Variants in OTOGL observed in about 807,000 individuals in gnomAD.
OTOGL encodes the protein otogelin-like protein.
In OTOGL, 285 loss-of-function variants were observed where a neutral mutation model predicts 318.5. That is an observed-to-expected ratio of 0.89 (90% CI 0.81 to 0.99). The LOEUF is 0.99. Ranked by LOEUF, OTOGL falls within the 50% of genes least tolerant of loss-of-function variation. The pLI is 0.00. For missense variants in OTOGL, 2,899 were observed against 2,845.6 expected (o/e 1.02, Z -0.43); for synonymous variants, 987 against 936.5 (o/e 1.05, Z -0.99).
chr12:80,125,674 T>C (rs1264610206), intron 1 of OTOGL, among the ~76,000 whole-genome samples: 6 of 152,092 alleles, frequency 3.9e-5, no homozygotes, highest in Non-Finnish European at 7.4e-5. Flanking sequence ...GTCCTGGACT[T>C]TTTTTGGTTG....
At chr12:80,107,957 G>A (rs1869553580) in intron 1 of OTOGL, among the ~76,000 whole-genome samples, 1 of 152,060 alleles carries the variant, frequency 6.6e-6, no homozygotes, top group African/African-American at 2.4e-5. Flanking sequence ...AGAGTGGAGG[G>A]TGGGAGGAGG....
At position 80,217,616 on chromosome 12, in the gene OTOGL, A is replaced by T; in HGVS notation, c.187A>T (p.Arg63Ter). The T allele has an allele frequency of 6.4e-7, 1 of 1,550,430 alleles. No individual in the cohort carries two copies. The highest frequency in any genetic ancestry group is 8.7e-7 in the Non-Finnish European group (1 of 1,145,326). The change falls in exon 5 of 59, where the codon AGA becomes TGA. Residue 63 changes from arginine (R) to a stop codon, truncating the protein, a stop_gained. Coordinates refer to ENST00000547103, the MANE Select transcript of OTOGL (RefSeq NM_001378609.3). LOFTEE classifies it high-confidence loss of function. The stretch of plus-strand genomic sequence containing the variant: ...TTCAAAGTTTGAAGCTACTTCTCCG[A>T]GATACTTTTTCCATGATGCTATTAA... ...LAAQFEATSP[R>*]YFFHDAINWG...
chr12:80,258,056 T>C (rs1290630987), intron 18 of OTOGL, 54 bp downstream of exon 18: 9 of 1,394,280 alleles, frequency 6.5e-6, no homozygotes, highest in Non-Finnish European at 8.5e-6. Flanking sequence ...ATTTAAAGGA[T>C]ATAAATTCAT....
chr12:80,167,103 G>A (rs1873877833), intron 1 of OTOGL, among the ~76,000 whole-genome samples: 1 of 151,268 alleles, frequency 6.6e-6, no homozygotes, highest in Non-Finnish European at 1.5e-5. Flanking sequence ...GAGTTTTTTT[G>A]GCATCCCTTT....
At chr12:80,297,481 C>T (rs1287918510) in intron 27 of OTOGL, among the ~76,000 whole-genome samples, 5 of 152,016 alleles carry the variant, frequency 3.3e-5, no homozygotes, top group Admixed American at 1.3e-4. Flanking sequence ...AACATATGCA[C>T]GCCACCACGC....
rs1333162320 is a variant in OTOGL, at chr12:80,323,718, C to T, written c.4082-5C>T. The stretch of plus-strand genomic sequence containing the variant: ...GCACACAATCTAAACTTTATTTTTT[C>T]CCAGAAATCCAGGCAGCAGTGCCTT... On this transcript the variant is annotated splice_polypyrimidine_tract_variant and splice_region_variant and intron_variant, in intron 34 of 58. Coordinates refer to ENST00000547103, the MANE Select transcript of OTOGL (RefSeq NM_001378609.3). 6.2e-7 allele frequency: 1 copy of T among 1,603,584 alleles called. No homozygotes were observed. The highest frequency in any genetic ancestry group is 8.5e-7 in the Non-Finnish European group (1 of 1,172,268).
chr12:80,286,898 G>A (rs990515939), intron 26 of OTOGL, among the ~76,000 whole-genome samples: 2 of 152,102 alleles, frequency 1.3e-5, no homozygotes, highest in African/African-American at 4.8e-5. Flanking sequence ...GTTCTGCTCT[G>A]TTCTTAGTTA....
rs1290493047 is a variant in OTOGL, at chr12:80,163,434, A to G, written c.-19-45979A>G. 5.3e-5 allele frequency among the ~76,000 whole-genome samples: 8 copies of G among 152,130 alleles called. No individual in the cohort carries two copies. In the East Asian group the frequency reaches 1.5e-3, roughly 29 times the overall value. On this transcript the variant is annotated intron_variant, in intron 1 of 58. Transcript: ENST00000547103. ...TAGGAGAAATTCAGTCTCCCTTTTC[A>G]CAATGGAGAATTGATGTTCAAGCAG...
chr12:80,139,280 T>G (rs1464221061), intron 1 of OTOGL, among the ~76,000 whole-genome samples: 2 of 152,188 alleles, frequency 1.3e-5, no homozygotes, highest in Non-Finnish European at 2.9e-5. Context: ...GTTTACTAAG[T>G]TAGCTGTCCT....
chr12:80,252,712 T>A (rs1250889738), intron 13 of OTOGL, among the ~76,000 whole-genome samples: 1 of 152,134 alleles, frequency 6.6e-6, no homozygotes, highest in African/African-American at 2.4e-5. Flanking sequence ...ATTAAAAAAA[T>A]AGAATCACAG....
At chr12:80,362,198 C>T (rs1039830132) in intron 52 of OTOGL, among the ~76,000 whole-genome samples, 5 of 152,136 alleles carry the variant, frequency 3.3e-5, no homozygotes, top group Admixed American at 6.5e-5. Context: ...TGTCTGCATG[C>T]GGAAATGCAA....
rs1280017849 is a variant in OTOGL at position 80,176,009 on chromosome 12, C to T, written c.-19-33404C>T. Among the ~76,000 whole-genome samples the T allele has an allele frequency of 5.9e-5, 9 of 152,218 alleles. No individual in the cohort carries two copies. The East Asian group carries it at 9.7e-4, about 16-fold the overall frequency. Reference sequence around the variant, plus strand: ...TAAAATCTAATCACTAACTACTCTTCGTTAAAGGAGATAAAACCATTTCAG... The same window carrying T: ...TAAAATCTAATCACTAACTACTCTTTGTTAAAGGAGATAAAACCATTTCAG... On this transcript the variant is annotated intron_variant, in intron 1 of 58. Transcript: ENST00000547103.
chr12:80,215,087 A>G (rs1035757153), intron 4 of OTOGL, among the ~76,000 whole-genome samples: 2 of 151,658 alleles, frequency 1.3e-5, no homozygotes, highest in African/African-American at 4.9e-5. Context: ...GAAACAAATT[A>G]TATATTTTTA....
chr12:80,333,748 TG>T (rs752741201), intron 38 of OTOGL, among the ~76,000 whole-genome samples: 12 of 152,066 alleles, frequency 7.9e-5, no homozygotes, highest in Non-Finnish European at 1.5e-4. Context: ...TAAGATGATT[TG>T]AAAATCTTCA....
chr12:80,219,966 A>T, intron 6 of OTOGL, 54 bp downstream of exon 6: 2 of 1,299,820 alleles, frequency 1.5e-6, no homozygotes, highest in Non-Finnish European at 2.2e-6. Context: ...GAGAAAATTA[A>T]GGCATAATTT....
chr12:80,304,133 T>C (rs1885954503), intron 28 of OTOGL, among the ~76,000 whole-genome samples: 1 of 152,212 alleles, frequency 6.6e-6, no homozygotes, highest in Non-Finnish European at 1.5e-5. Context: ...ATATTTAAGA[T>C]TCATACAAAT....
intron 27 of OTOGL, among the ~76,000 whole-genome samples, chr12:80,297,489 C>T (rs1214662265): frequency 1.3e-5 from 2 of 152,006 alleles, no homozygotes; most frequent in Non-Finnish European, 2.9e-5. Context: ...CACGCCACCA[C>T]GCCTGGCTAA....
intron 4 of OTOGL, 112 bp from the exon 5 acceptor site, chr12:80,217,486 C>T (rs1185338452): frequency 6.7e-6 from 5 of 749,620 alleles, no homozygotes; most frequent in Non-Finnish European, 1.1e-5. Flanking sequence ...AATATAAAGT[C>T]AGCACTTTAT....
intron 30 of OTOGL, 46 bp downstream of exon 30, chr12:80,310,773 T>C: frequency 1.4e-6 from 2 of 1,447,682 alleles, no homozygotes. Flanking sequence ...TATGTTCTAC[T>C]GTGTCTATAA....
Sources: allele counts gnomAD v4.1 joint callset (sites outside exome capture counted in the v4.1 genomes callset), GRCh38; gene constraint gnomAD v4.1.1; transcripts MANE v1.5; gene names NCBI Gene and HGNC (gene_info 2026-07-23, HGNC 2026-07-21).